Variants in TACR1 observed in about 807,000 individuals in gnomAD.
TACR1 encodes the protein substance-P receptor.
Under a neutral mutation model 35.8 loss-of-function variants are expected in TACR1, and 25 were observed. The ratio of observed to expected loss-of-function variants is 0.70; its 90% CI spans 0.51 to 0.98. The LOEUF is 0.98. Among genes scored for constraint, TACR1 ranks in the 50% least tolerant of loss-of-function variants. TACR1 has a pLI of 0.00. For synonymous variants in TACR1, 195 were observed against 206.7 expected (o/e 0.94, Z 0.48); for missense variants, 478 against 522.9 (o/e 0.91, Z 0.84).
chr2:75,104,641 A>G (rs1446616659), intron 2 of TACR1, among the ~76,000 whole-genome samples: 1 of 152,138 alleles, frequency 6.6e-6, no homozygotes, highest in African/African-American at 2.4e-5. Flanking sequence ...GTTAGGATGT[A>G]AAACAAGTCT....
At chr2:75,197,907 C>G (rs1236780612) in intron 1 of TACR1, among the ~76,000 whole-genome samples, 1 of 152,196 alleles carries the variant, frequency 6.6e-6, no homozygotes, top group Non-Finnish European at 1.5e-5. Context: ...CCTAGCATTA[C>G]AGAGTAAACT....
intron 2 of TACR1, among the ~76,000 whole-genome samples, chr2:75,104,036 T>C (rs1391663392): frequency 6.6e-6 from 1 of 151,962 alleles, no homozygotes; most frequent in Admixed American, 6.6e-5. Context: ...ATTGACCAAA[T>C]GGCAGTAGTA....
At chr2:75,125,564 A>G (rs1190412987) in intron 1 of TACR1, among the ~76,000 whole-genome samples, 2 of 152,180 alleles carry the variant, frequency 1.3e-5, no homozygotes, top group Non-Finnish European at 2.9e-5. Context: ...CTGAGGATGT[A>G]GTAAATACTC....
chr2:75,152,440 C>T (rs1403028491), intron 1 of TACR1, among the ~76,000 whole-genome samples: 6 of 152,136 alleles, frequency 3.9e-5, no homozygotes, highest in Non-Finnish European at 7.3e-5. Context: ...TTGCTTCTTC[C>T]TCATTTTCTT....
At chr2:75,178,267 C>A (rs565852089) in intron 1 of TACR1, among the ~76,000 whole-genome samples, 11 of 152,070 alleles carry the variant, frequency 7.2e-5, no homozygotes, top group Non-Finnish European at 1.2e-4. Context: ...TCACTGCAAC[C>A]TCTGCCTCCT....
At chr2:75,077,262 AC>A (rs1393068696) in intron 2 of TACR1, among the ~76,000 whole-genome samples, 2 of 152,090 alleles carry the variant, frequency 1.3e-5, no homozygotes, top group Admixed American at 1.3e-4. Context: ...GAGCCACCGC[AC>A]CCGGCCTATT....
rs1168480920 is a variant in TACR1 at position 75,198,582 on chromosome 2, G to A, written c.353C>T (p.Ala118Val). The A allele has an allele frequency of 1.2e-6, 2 of 1,614,188 alleles. No homozygotes were observed. The highest frequency in any genetic ancestry group is 1.7e-5 in the Admixed American group (1 of 60,028). The change falls in exon 1 of 5, where the codon GCC (alanine) becomes GTC (valine). Residue 118 changes from alanine (A) to valine (V), a missense_variant. By Grantham distance (64) the Ala-to-Val change is moderately conservative (BLOSUM62 0). Coordinates refer to ENST00000305249, the MANE Select transcript of TACR1 (RefSeq NM_001058.4). ...HNFFPIAAVF[A>V]SIYSMTAVAF... ...CACAGCCGTCATGGAGTAGATACTG[G>A]CGAAGACAGCGGCGATGGGAAAGAA... is the stretch of plus-strand genomic sequence containing the variant.
At chr2:75,052,572 T>G (rs1382038688) in intron 3 of TACR1, among the ~76,000 whole-genome samples, 2 of 151,288 alleles carry the variant, frequency 1.3e-5, no homozygotes, top group African/African-American at 4.9e-5. Flanking sequence ...AAAAAAGGAA[T>G]GAGAAAGCTC....
At chr2:75,143,369 C>G (rs1332975708) in intron 1 of TACR1, among the ~76,000 whole-genome samples, 1 of 152,184 alleles carries the variant, frequency 6.6e-6, no homozygotes, top group Non-Finnish European at 1.5e-5. Context: ...ACTCTTCCAG[C>G]TTTAGCTCTT....
intron 1 of TACR1, among the ~76,000 whole-genome samples, chr2:75,123,932 T>G (rs982051702): frequency 6.6e-6 from 1 of 152,236 alleles, no homozygotes; most frequent in Non-Finnish European, 1.5e-5. Context: ...TATTTGGTTA[T>G]AAGATATTAC....
chr2:75,177,301 C>G (rs544862643), intron 1 of TACR1, among the ~76,000 whole-genome samples: 1 of 152,296 alleles, frequency 6.6e-6, no homozygotes, highest in East Asian at 1.9e-4. Context: ...CACCACTGTT[C>G]CTGTCTTCAC....
chr2:75,063,086 G>A (rs930212331), intron 2 of TACR1, among the ~76,000 whole-genome samples: 1 of 152,178 alleles, frequency 6.6e-6, no homozygotes, highest in African/African-American at 2.4e-5. Flanking sequence ...AAAACTATCA[G>A]ATCTTGTGAG....
chr2:75,149,998 T>G (rs1346271788), intron 1 of TACR1, among the ~76,000 whole-genome samples: 1 of 152,210 alleles, frequency 6.6e-6, no homozygotes, highest in African/African-American at 2.4e-5. Flanking sequence ...ATTGAGATAA[T>G]CATGAGTTTT....
chr2:75,128,492 T>C (rs1485543060), intron 1 of TACR1, among the ~76,000 whole-genome samples: 5 of 152,210 alleles, frequency 3.3e-5, no homozygotes, highest in Non-Finnish European at 7.3e-5. Context: ...TCTGAGTGTT[T>C]CTGCCAGCAG....
intron 2 of TACR1, among the ~76,000 whole-genome samples, chr2:75,054,112 C>T (rs1013928425): frequency 3.3e-5 from 5 of 152,114 alleles, no homozygotes; most frequent in African/African-American, 1.2e-4. Flanking sequence ...CCCCACACCA[C>T]CCCCCAAAAC....
Position 75,069,207 on chromosome 2 carries a change from C to G in TACR1, c.585-15452G>C, listed in dbSNP as rs182590190. Among the ~76,000 whole-genome samples, 537 of 152,264 alleles carry G rather than the reference C, an allele frequency of 3.5e-3. 3 individuals carry two copies. The highest frequency in any genetic ancestry group is 6.1e-3 in the Non-Finnish European group (417 of 68,016). On this transcript the variant is annotated intron_variant, in intron 2 of 4. Transcript: ENST00000305249. ...GTGAGGACTTCCCAGCCATGTGGAACTGTAAGTCCATTAAACATCTTTCAT... is the reference window on the plus strand; with the variant it reads ...GTGAGGACTTCCCAGCCATGTGGAAGTGTAAGTCCATTAAACATCTTTCAT...
chr2:75,064,939 A>AGG (rs1209663381), intron 2 of TACR1, among the ~76,000 whole-genome samples: 1 of 152,132 alleles, frequency 6.6e-6, no homozygotes, highest in African/African-American at 2.4e-5. Flanking sequence ...TGTGGTGGAG[A>AGG]GGGAGACCCT....
At chr2:75,164,597 T>C (rs987883104) in intron 1 of TACR1, among the ~76,000 whole-genome samples, 12 of 152,192 alleles carry the variant, frequency 7.9e-5, no homozygotes, top group African/African-American at 2.9e-4. Context: ...TTGAATTACT[T>C]TGGGCTCAGG....
chr2:75,181,498 C>A (rs575166751), intron 1 of TACR1, among the ~76,000 whole-genome samples: 14 of 152,274 alleles, frequency 9.2e-5, no homozygotes, highest in African/African-American at 3.4e-4. Context: ...TTTTTAAAAA[C>A]CATAGTGGAT....
Sources: gnomAD v4.1 joint callset for allele counts (sites outside exome capture counted in the v4.1 genomes callset) on GRCh38, gnomAD v4.1.1 for gene constraint, MANE v1.5 for transcripts, NCBI Gene and HGNC (gene_info 2026-07-23, HGNC 2026-07-21) for gene names.